Variants in DIDO1 observed in about 807,000 individuals in gnomAD.
The protein encoded by DIDO1 is death-inducer obliterator 1.
Under a neutral mutation model 99.4 loss-of-function variants are expected in DIDO1, and 16 were observed. The ratio of observed to expected loss-of-function variants is 0.16; its 90% CI spans 0.11 to 0.24. The LOEUF is 0.24. Ranked by LOEUF, DIDO1 falls within the 10% of genes least tolerant of loss-of-function variation. DIDO1 has a pLI of 1.00. For missense variants in DIDO1, 2,996 were observed against 3,014.0 expected, an observed-to-expected ratio of 0.99 and a Z score of 0.14; for synonymous variants, 1,366 against 1,239.1, an observed-to-expected ratio of 1.10 and a Z score of -2.15.
At chr20:62,924,907 T>C (rs1455738103) in intron 1 of DIDO1, among the ~76,000 whole-genome samples, 1 of 152,130 alleles carries the variant, frequency 6.6e-6, no homozygotes, top group African/African-American at 2.4e-5. Flanking sequence ...ATACGCGCTT[T>C]TCCAAAACAA....
intron 6 of DIDO1, among the ~76,000 whole-genome samples, chr20:62,897,596 C>G (rs922736764): frequency 6.6e-6 from 1 of 152,212 alleles, no homozygotes; most frequent in African/African-American, 2.4e-5. Flanking sequence ...GCTGAGAACG[C>G]AGCAATGCTG....
intron 6 of DIDO1, among the ~76,000 whole-genome samples, chr20:62,902,806 C>T (rs3746764): frequency 2.6e-5 from 4 of 152,198 alleles, no homozygotes; most frequent in East Asian, 3.8e-4. Context: ...TTAATTCCAA[C>T]GGTTAGATGA....
chr20:62,883,095 T>C (rs1478176008), intron 15 of DIDO1, among the ~76,000 whole-genome samples: 1 of 151,906 alleles, frequency 6.6e-6, no homozygotes, highest in East Asian at 2.0e-4. Flanking sequence ...GGCTAATTTT[T>C]GTGTTTTTAG....
intron 6 of DIDO1, 121 bp downstream of exon 6, chr20:62,905,766 A>G (rs1212721788): frequency 6.2e-7 from 1 of 1,609,304 alleles, no homozygotes; most frequent in Admixed American, 1.7e-5. Flanking sequence ...CTGATGGTGC[A>G]GCCGGTGTCT....
At chr20:62,907,919 A>C (rs1458373551) in intron 4 of DIDO1, among the ~76,000 whole-genome samples, 1 of 152,184 alleles carries the variant, frequency 6.6e-6, no homozygotes, top group Non-Finnish European at 1.5e-5. Flanking sequence ...ATGAAATCGG[A>C]ATGTCAGATA....
At chr20:62,929,352 G>A (rs2065300067), upstream of DIDO1, 1 of 152,428 alleles carries the variant, frequency 6.6e-6, no homozygotes, top group African/African-American at 2.4e-5. Flanking sequence ...GGAGGGGCGA[G>A]GGCGGGGCGC....
intron 15 of DIDO1, among the ~76,000 whole-genome samples, chr20:62,882,915 CTTTTTTTTT>C (rs10583836): frequency 9.8e-5 from 8 of 81,360 alleles, no homozygotes; most frequent in Admixed American, 5.2e-4. Flanking sequence ...AACAAACAGC[CTTTTTTTTT>C]TTTTTTTTTT....
rs545671346 is a variant in DIDO1 at position 62,891,165 on chromosome 20, A to G, written c.3346-10T>C. On this transcript the variant is annotated splice_polypyrimidine_tract_variant and intron_variant, in intron 14 of 15. Coordinates refer to ENST00000395343, the MANE Select transcript of DIDO1 (RefSeq NM_001193369.2). ...GGATCAGACAGAGCTCCTGCAATGG[A>G]AGAGTGGGAAGCACTCATAAAGAAA... The G allele has an allele frequency of 5.6e-6, 9 of 1,613,874 alleles. No homozygotes were observed. The African/African-American group carries it at 1.1e-4, about 19-fold the overall frequency.
At position 62,880,360 on chromosome 20, in the gene DIDO1, C is replaced by T. The variant is rs746504551; in HGVS notation, c.5596G>A (p.Ala1866Thr). The T allele has an allele frequency of 3.1e-6, 5 of 1,612,702 alleles. No individual in the cohort carries two copies. The highest frequency in any genetic ancestry group is 3.4e-6 in the Non-Finnish European group (4 of 1,180,024). Residue 1866 changes from alanine to threonine, a missense_variant, in exon 16 of 16, where the codon GCC (alanine) becomes ACC (threonine). By Grantham distance (58) the Ala-to-Thr change is moderately conservative. Transcript: ENST00000395343. ...QDAPYNEVTG[A>T]PAQFEGTEQA... ...TCTGTCCCTTCAAACTGGGCGGGGG[C>T]GCCCGTCACCTCGTTATACGGGGCG...
chr20:62,880,473 G>A lies in DIDO1; in HGVS notation c.5483C>T (p.Pro1828Leu), dbSNP rs1600897254. 6.2e-7 allele frequency: 1 copy of A among 1,612,990 alleles called. No homozygotes were observed. The highest frequency in any genetic ancestry group is 1.6e-4 in the Middle Eastern group (1 of 6,062). ...TCCTCGTGGTCCACCAAGGTAAGAG[G>A]GTGAGGGGCCTCTGCTGTCCCCATA... Reference protein sequence around the residue: ...PPYGDSRGPSPSYLGGPRGVA... With the variant: ...PPYGDSRGPSLSYLGGPRGVA... The change falls in exon 16 of 16, where the codon CCC (proline) becomes CTC (leucine). Residue 1828 changes from proline (P) to leucine (L), a missense_variant. This residue lies in a region of DIDO1 where 1,562 missense variants were observed against 1,412.6 expected (regional missense o/e 1.11). Transcript: ENST00000395343.
At chr20:62,910,157 G>A in intron 3 of DIDO1, 137 bp from the exon 4 acceptor site, 1 of 997,802 alleles carries the variant, frequency 1.0e-6, no homozygotes, top group Admixed American at 2.9e-5. Flanking sequence ...ACGTCCTCAT[G>A]CCTTTCCTTT....
chr20:62,933,050 T>C (rs1171573478), intron 1 of DIDO1, among the ~76,000 whole-genome samples: 1 of 152,170 alleles, frequency 6.6e-6, no homozygotes. Flanking sequence ...CCATCTCTAC[T>C]AACAATACAA....
chr20:62,899,487 AACT>A (rs1568852583), intron 6 of DIDO1, among the ~76,000 whole-genome samples: 65 of 152,224 alleles, frequency 4.3e-4, no homozygotes, highest in Non-Finnish European at 1.5e-5. Flanking sequence ...CTGCTCGTGT[AACT>A]ACACTATTGT....
rs11906211 is a variant in DIDO1, at chr20:62,911,809, T to C, written c.-2-195A>G. 0.032 allele frequency among the ~76,000 whole-genome samples: 4,859 copies of C among 152,324 alleles called. 96 individuals are homozygous for C. Among genetic ancestry groups the C allele is most frequent in the African/African-American group, 0.053 (2,215 of 41,574 alleles). Reference sequence around the variant, plus strand: ...ATGATTTGTAAAGATAATTTTAATATAGTTAAACAACTAACGTTTAGACAA... The same window carrying C: ...ATGATTTGTAAAGATAATTTTAATACAGTTAAACAACTAACGTTTAGACAA... On this transcript the variant is annotated intron_variant, in intron 2 of 15. Transcript: ENST00000395343. The surrounding 1 kb of genome is among the most constrained non-coding windows in gnomAD (Gnocchi z 7.0).
chr20:62,907,207 C>T lies in DIDO1; in HGVS notation c.1314G>A (p.Lys438=). The T allele has an allele frequency of 6.2e-7, 1 of 1,614,220 alleles. No homozygotes were observed. Among genetic ancestry groups the T allele is most frequent in the South Asian group, 1.1e-5 (1 of 91,086 alleles). ...GCTTCATCTTCATCTTTTCTTTAGG[C>T]TTTGGCTTCTGTTCTTTACCTGAGC... The part of the protein sequence containing the change: ...FLSSGKEQKP[K]PKEKMKMKPE... The change falls in exon 5 of 16, where the codon AAG becomes AAA. Residue 438 remains lysine (K), a synonymous_variant. Coordinates refer to ENST00000395343, the MANE Select transcript of DIDO1 (RefSeq NM_001193369.2).
chr20:62,892,513 G>A (rs537063559), intron 13 of DIDO1, among the ~76,000 whole-genome samples: 5 of 152,298 alleles, frequency 3.3e-5, no homozygotes, highest in East Asian at 3.9e-4. Flanking sequence ...TGGCTGTGCC[G>A]GTGGCTGTGC....
chr20:62,910,744 G>A (rs753793989), intron 3 of DIDO1, 30 bp downstream of exon 3: 4 of 1,590,020 alleles, frequency 2.5e-6, no homozygotes, highest in Middle Eastern at 1.7e-4. Context: ...GCAACCCTGG[G>A]ATTTCTGTGG....
At position 62,896,986 on chromosome 20, in the gene DIDO1, T is replaced by A. The variant is rs1266234458; in HGVS notation, c.1599A>T (p.Glu533Asp). 6.2e-7 allele frequency: 1 copy of A among 1,611,458 alleles called. No individual in the cohort carries two copies. Among genetic ancestry groups the A allele is most frequent in the Non-Finnish European group, 8.5e-7 (1 of 1,178,820 alleles). The change falls in exon 7 of 16, where the codon GAA (glutamate) becomes GAT (aspartate). Residue 533 changes from glutamate (E) to aspartate (D), a missense_variant. By Grantham distance (45) the Glu-to-Asp change is conservative. Transcript: ENST00000395343. The surrounding 1 kb of genome is among the most constrained non-coding windows in gnomAD (Gnocchi z 4.4). ...CCGCTTTCTCCTCGGACCTCCTGTC[T>A]TCCTTCGTGGCTACAAAGAAGAACA... ...SPSLLYKSTK[E>D]DRRSEEKAAA... is the part of the protein sequence containing the mutation.
At chr20:62,935,331 A>G (rs950192501) in intron 1 of DIDO1, among the ~76,000 whole-genome samples, 3 of 151,872 alleles carry the variant, frequency 2.0e-5, no homozygotes, top group Non-Finnish European at 4.4e-5. Context: ...TCACTCAACA[A>G]ATAAATATTT....
Sources: allele counts gnomAD v4.1 joint callset (sites outside exome capture counted in the v4.1 genomes callset), GRCh38; gene constraint gnomAD v4.1.1; regional missense constraint gnomAD v4.1.1; non-coding constraint Gnocchi (gnomAD v3.1); transcripts MANE v1.5; gene names NCBI Gene and HGNC (gene_info 2026-07-23, HGNC 2026-07-21).